The following RNF157 variants were observed in gnomAD, a reference collection of about 807,000 sequenced individuals.
RNF157 encodes ring finger protein 157.
RNF157 carries 55 observed loss-of-function variants against 88.3 expected under a neutral mutation model. That is an observed-to-expected ratio of 0.62 (90% CI 0.50 to 0.78). RNF157 has a LOEUF of 0.78. RNF157 is among the 30% of genes least tolerant of loss of function. The pLI is 0.00. For synonymous variants in RNF157, 334 were observed against 341.2 expected (o/e 0.98, Z 0.23); for missense variants, 788 against 860.8 (o/e 0.92, Z 1.06).
intron 2 of RNF157, chr17:76,175,700 A>G: frequency 1.1e-6 from 1 of 946,248 alleles, no homozygotes; most frequent in Non-Finnish European, 1.3e-6. Context: ...TAGCAAAGTT[A>G]ATCATTTTCA....
intron 12 of RNF157, 75 bp downstream of exon 12, chr17:76,159,259 TG>T: frequency 7.6e-7 from 1 of 1,311,422 alleles, no homozygotes; most frequent in Non-Finnish European, 1.1e-6. Flanking sequence ...CCCCAGGATG[TG>T]GGCCAGCACC....
chr17:76,236,703 T>C (rs950019392), intron 1 of RNF157, among the ~76,000 whole-genome samples: 6 of 151,976 alleles, frequency 3.9e-5, no homozygotes, highest in Non-Finnish European at 5.9e-5. Context: ...AGTAAGATAC[T>C]GAAAAAACAA....
chr17:76,208,079 C>T (rs759562324), intron 2 of RNF157, among the ~76,000 whole-genome samples: 1 of 152,056 alleles, frequency 6.6e-6, no homozygotes, highest in Non-Finnish European at 1.5e-5. Context: ...CCACGCCTGG[C>T]TAATTTTTAT....
chr17:76,220,661 T>A (rs1037329754), intron 1 of RNF157, among the ~76,000 whole-genome samples: 75 of 152,110 alleles, frequency 4.9e-4, no homozygotes, highest in Non-Finnish European at 9.0e-4. Context: ...TATTATTTTT[T>A]TTTTTTTAGT....
chr17:76,154,065 T>C, intron 17 of RNF157: 1 of 555,608 alleles, frequency 1.8e-6, no homozygotes, highest in Non-Finnish European at 3.2e-6. Context: ...GCACCTGACA[T>C]CCATGGCTCT....
chr17:76,214,085 T>C (rs373101987), intron 1 of RNF157, among the ~76,000 whole-genome samples: 9 of 152,066 alleles, frequency 5.9e-5, no homozygotes, highest in African/African-American at 1.4e-4. Context: ...TGCTTTCTGG[T>C]TGGTTAGTTG....
At chr17:76,179,372 GGA>G (rs1366766327) in intron 2 of RNF157, among the ~76,000 whole-genome samples, 1 of 151,370 alleles carries the variant, frequency 6.6e-6, no homozygotes, top group Admixed American at 6.6e-5. Flanking sequence ...CCAGCTTGGG[GGA>G]GAGAGTGAGA....
chr17:76,231,448 C>T (rs1315171025), intron 1 of RNF157, among the ~76,000 whole-genome samples: 1 of 152,104 alleles, frequency 6.6e-6, no homozygotes, highest in Admixed American at 6.6e-5. Flanking sequence ...TGAGGCCCAC[C>T]ACCATGCCTG....
intron 1 of RNF157, among the ~76,000 whole-genome samples, chr17:76,229,228 A>T (rs1326263941): frequency 6.6e-6 from 1 of 152,192 alleles, no homozygotes; most frequent in Non-Finnish European, 1.5e-5. Context: ...ACATATCTTA[A>T]GGGTTCAGCC....
chr17:76,173,968 A>G (rs1296562404), intron 2 of RNF157, among the ~76,000 whole-genome samples, 178 bp from the exon 3 acceptor site: 7 of 152,162 alleles, frequency 4.6e-5, no homozygotes, highest in Admixed American at 4.6e-4. Flanking sequence ...GGTCACAGCT[A>G]GCGGGAAAAC....
At chr17:76,182,455 G>GTGTGTA (rs1254847864) in intron 2 of RNF157, among the ~76,000 whole-genome samples, 2 of 142,712 alleles carry the variant, frequency 1.4e-5, no homozygotes, top group African/African-American at 2.5e-5. Context: ...TTTAGTCTGT[G>GTGTGTA]TGTGTGTGTG....
At chr17:76,148,948 C>CT (rs773553903) in intron 18 of RNF157, among the ~76,000 whole-genome samples, 6 of 152,206 alleles carry the variant, frequency 3.9e-5, no homozygotes, top group African/African-American at 7.2e-5. Flanking sequence ...TTCCTGCCAC[C>CT]TATGTAACAG....
intron 2 of RNF157, among the ~76,000 whole-genome samples, chr17:76,197,947 G>A (rs1195360042): frequency 6.6e-6 from 1 of 152,104 alleles, no homozygotes; most frequent in Non-Finnish European, 1.5e-5. Flanking sequence ...CTTGCAAATA[G>A]CCCTCTCCCT....
chr17:76,147,535 C>A (rs2068603430), intron 18 of RNF157: 1 of 156,404 alleles, frequency 6.4e-6, no homozygotes, highest in South Asian at 2.0e-4. Flanking sequence ...TTAGCCAGGG[C>A]AGAACATCGG....
chr17:76,186,913 C>A (rs1191338539), intron 2 of RNF157, among the ~76,000 whole-genome samples: 1 of 151,242 alleles, frequency 6.6e-6, no homozygotes, highest in African/African-American at 2.4e-5. Flanking sequence ...GTACTCCAGC[C>A]TGGGTGACAG....
chr17:76,175,232 A>C (rs185096269), intron 2 of RNF157, among the ~76,000 whole-genome samples: 145 of 152,258 alleles, frequency 9.5e-4, no homozygotes, highest in Non-Finnish European at 1.6e-4. Context: ...ACTTTAATCA[A>C]TTCCATATTA....
chr17:76,177,672 C>G (rs1406248979), intron 2 of RNF157, among the ~76,000 whole-genome samples: 1 of 152,006 alleles, frequency 6.6e-6, no homozygotes, highest in African/African-American at 2.4e-5. Context: ...TGCCCAGGGA[C>G]CAGTCTACCT....
chr17:76,185,475 C>CTTTTTTTTT (rs71161271), intron 2 of RNF157, among the ~76,000 whole-genome samples: 56 of 141,890 alleles, frequency 3.9e-4, no homozygotes, highest in African/African-American at 8.7e-4. Context: ...TTAGTCCTTT[C>CTTTTTTTTT]TTTTTTTTTT....
In RNF157 at chr17:76,161,478, T is replaced by TA; in HGVS notation, c.1065+56dup. ...GCCACGTAGAGAAGCATGAAAAGTT[T>TA]AAAAAAGCCAATGAGGCATTTGCTT... On this transcript the variant is annotated intron_variant, in intron 11 of 18. Transcript: ENST00000269391. The surrounding 1 kb of genome is among the most constrained non-coding windows in gnomAD (Gnocchi z 4.6). 7.6e-7 allele frequency: 1 copy of TA among 1,324,300 alleles called. No individual in the cohort carries two copies. Among genetic ancestry groups the TA allele is most frequent in the Non-Finnish European group, 1.1e-6 (1 of 916,390 alleles). 82.0% of individuals were successfully genotyped at this position (1,324,300 alleles called of 1,614,324 possible).
Sources: gnomAD v4.1 joint callset for allele counts (sites outside exome capture counted in the v4.1 genomes callset) on GRCh38, gnomAD v4.1.1 for gene constraint, Gnocchi (gnomAD v3.1) non-coding constraint, MANE v1.5 for transcripts, NCBI Gene and HGNC (gene_info 2026-07-23, HGNC 2026-07-21) for gene names.